The following TTYH2 variants were observed in gnomAD, a reference collection of about 807,000 sequenced individuals.
TTYH2 encodes the protein tweety family member 2.
A neutral mutation model predicts 68.3 loss-of-function variants in TTYH2; 49 were observed. The observed-to-expected ratio is 0.72, with a 90% CI of 0.57 to 0.91. TTYH2 has a LOEUF of 0.91. Ranked by LOEUF, TTYH2 falls within the 40% of genes least tolerant of loss-of-function variation. The pLI, the probability that TTYH2 is intolerant of heterozygous loss-of-function variation, is 0.00. For missense variants in TTYH2, 631 were observed against 700.4 expected (o/e 0.90, Z 1.12); for synonymous variants, 272 against 300.8 (o/e 0.90, Z 0.99).
Position 74,252,190 on chromosome 17 carries a change from GC to G in TTYH2, c.1117-39del, listed in dbSNP as rs747479163. ...GAGGAGAGCTCGGCCCGCAGGCTTTGCCCCCGCTCCTTCACTAGCTGCATGT... is the reference window on the plus strand; with the variant it reads ...GAGGAGAGCTCGGCCCGCAGGCTTTGCCCCGCTCCTTCACTAGCTGCATGT... On this transcript the variant is annotated intron_variant, in intron 10 of 13. Coordinates refer to ENST00000269346, the MANE Select transcript of TTYH2 (RefSeq NM_032646.6). 25 of 1,606,416 alleles carry G rather than the reference GC, an allele frequency of 1.6e-5. No individual in the cohort carries two copies. In the South Asian group the frequency reaches 2.4e-4, roughly 16 times the overall value.
intron 3 of TTYH2, among the ~76,000 whole-genome samples, chr17:74,234,367 C>G (rs2050421370): frequency 6.6e-6 from 1 of 152,216 alleles, no homozygotes; most frequent in African/African-American, 2.4e-5. Flanking sequence ...TGAGAGAGAG[C>G]CTGATTCCAT....
intron 13 of TTYH2, among the ~76,000 whole-genome samples, chr17:74,258,687 G>A (rs904614779): frequency 2.0e-5 from 3 of 152,064 alleles, no homozygotes; most frequent in African/African-American, 2.4e-5. Context: ...GATGGGCAGC[G>A]TCATTCTCGG....
intron 2 of TTYH2, among the ~76,000 whole-genome samples, chr17:74,228,722 G>C (rs547906719): frequency 1.8e-4 from 28 of 152,174 alleles, no homozygotes; most frequent in Non-Finnish European, 3.4e-4. Flanking sequence ...AACCAGGGCG[G>C]GTGCAAGTTC....
intron 5 of TTYH2, among the ~76,000 whole-genome samples, chr17:74,243,682 T>C (rs2050525317): frequency 6.6e-6 from 1 of 152,220 alleles, no homozygotes; most frequent in African/African-American, 2.4e-5. Flanking sequence ...TAGGCTTTCC[T>C]CCTTCTCTGG....
At chr17:74,249,705 C>G (rs1383688170) in intron 8 of TTYH2, among the ~76,000 whole-genome samples, 2 of 151,744 alleles carry the variant, frequency 1.3e-5, no homozygotes, top group African/African-American at 4.8e-5. Flanking sequence ...GTCCAAAGAC[C>G]ACATCTGAGC....
chr17:74,252,944 G>A (rs968780037), intron 11 of TTYH2, 137 bp from the exon 12 acceptor site: 63 of 840,342 alleles, frequency 7.5e-5, no homozygotes, highest in Middle Eastern at 2.5e-4. Context: ...GCTGGGGACC[G>A]CGTTTTAGAG....
chr17:74,236,368 G>A (rs879315731), intron 3 of TTYH2, among the ~76,000 whole-genome samples: 47 of 152,322 alleles, frequency 3.1e-4, no homozygotes, highest in African/African-American at 9.9e-4. Flanking sequence ...TCCTATTGTG[G>A]GGATACAAGG....
chr17:74,241,262 CGTGT>C lies in TTYH2; in HGVS notation c.636-2080_636-2077del, dbSNP rs199960092. On this transcript the variant is annotated intron_variant, in intron 4 of 13. Transcript: ENST00000269346. This position sits in a 1 kb window ranked among gnomAD's most constrained non-coding sequence, Gnocchi z 4.1. ...ATAGACAGACCCGGTATTTATAATA[CGTGT>C]GTGTGTGTGTGTGTGTGTGTGTGTG... 0.22 allele frequency among the ~76,000 whole-genome samples: 32,019 copies of C among 144,482 alleles called. 3,433 individuals carry two copies. Among genetic ancestry groups the C allele is most frequent in the South Asian group, 0.29 (1,280 of 4,426 alleles). The allele number at this position is 144,482 out of a possible 152,430, so 94.8% of individuals were successfully genotyped here. A position where few individuals can be genotyped will look rare whatever the true frequency, so the allele number is the denominator to read the frequency against.
rs569025880 is a variant in TTYH2, at chr17:74,219,613, T to C, written c.130-2872T>C. Among the ~76,000 whole-genome samples, 3 of 152,278 alleles carry C rather than the reference T, an allele frequency of 2.0e-5. No individual in the cohort carries two copies. In the South Asian group the frequency reaches 6.2e-4, roughly 32 times the overall value. ...AATGATTCGGTGATTCACATTTCTC[T>C]GGCTACTCATGAGTATCTCTGACTT... is the stretch of plus-strand genomic sequence containing the variant. On this transcript the variant is annotated intron_variant, in intron 1 of 13. Coordinates refer to ENST00000269346, the MANE Select transcript of TTYH2 (RefSeq NM_032646.6).
intron 1 of TTYH2, among the ~76,000 whole-genome samples, chr17:74,219,462 A>G (rs2050255080): frequency 1.3e-5 from 2 of 151,706 alleles, no homozygotes; most frequent in South Asian, 2.1e-4. Context: ...ATGAATTTAT[A>G]CCCTCGAGCA....
chr17:74,253,727 C>T (rs2050662284), intron 12 of TTYH2, 28 bp from the exon 13 acceptor site: 1 of 1,612,526 alleles, frequency 6.2e-7, no homozygotes, highest in East Asian at 2.2e-5. Context: ...ACACCATCCC[C>T]TCCTGAGCTC....
At chr17:74,246,656 A>G (rs1177263166) in intron 6 of TTYH2, among the ~76,000 whole-genome samples, 2 of 152,018 alleles carry the variant, frequency 1.3e-5, no homozygotes, top group Non-Finnish European at 2.9e-5. Flanking sequence ...TGCCATCCCT[A>G]TCACCATGGC....
intron 2 of TTYH2, among the ~76,000 whole-genome samples, chr17:74,230,226 G>C (rs914829421): frequency 4.6e-5 from 7 of 151,972 alleles, no homozygotes; most frequent in African/African-American, 1.7e-4. Context: ...TACCCTGTAT[G>C]ATATGGTAAT....
chr17:74,253,308 G>A, intron 12 of TTYH2, 42 bp downstream of exon 12: 1 of 1,527,042 alleles, frequency 6.5e-7, no homozygotes, highest in African/African-American at 1.4e-5. Flanking sequence ...GCACTGCCCG[G>A]ACAGCATGTT....
rs1345645696 is a variant in TTYH2 at position 74,228,294 on chromosome 17, A to G, written c.303-2594A>G. ...CCACTGCGCCTGGTAGGAGGTTTCT[A>G]TCACAGTCCTCCAGGGGGTTCCGTC... On this transcript the variant is annotated intron_variant, in intron 2 of 13. Transcript: ENST00000269346. Among the ~76,000 whole-genome samples, 3 of 152,146 alleles carry G rather than the reference A, an allele frequency of 2.0e-5. No individual in the cohort carries two copies. The East Asian group carries it at 5.8e-4, about 29-fold the overall frequency.
intron 3 of TTYH2, among the ~76,000 whole-genome samples, chr17:74,235,731 A>T (rs1438288311): frequency 6.6e-6 from 1 of 152,062 alleles, no homozygotes; most frequent in Non-Finnish European, 1.5e-5. Context: ...CTCCACTAAA[A>T]ATACAAAAAT....
Position 74,230,938 on chromosome 17 carries a change from C to T in TTYH2, c.353C>T (p.Ala118Val), listed in dbSNP as rs138129824. 230 of 1,614,066 alleles carry T rather than the reference C, an allele frequency of 1.4e-4. No homozygotes were observed. The highest frequency in any genetic ancestry group is 1.8e-4 in the Non-Finnish European group (216 of 1,180,036). ...GGAAACAGCGAGACCAACGATGGGG[C>T]GTACCAGCTGATGTACTCCTTGGAC... is the stretch of plus-strand genomic sequence containing the variant. ...FYGNSETNDG[A>V]YQLMYSLDDA... Residue 118 changes from alanine to valine, a missense_variant, in exon 3 of 14, where the codon GCG becomes GTG. Physicochemically the swap from Ala to Val is moderately conservative, Grantham distance 64. Transcript: ENST00000269346.
At position 74,237,285 on chromosome 17, in the gene TTYH2, C is replaced by T; in HGVS notation, c.415-9C>T. On this transcript the variant is annotated splice_polypyrimidine_tract_variant and intron_variant, in intron 3 of 13. Coordinates refer to ENST00000269346, the MANE Select transcript of TTYH2 (RefSeq NM_032646.6). ...ACCTCCATGGCTTTTGCCCCCTGCT[C>T]CTCCCTAGGTTTCCGGAACTACCCA... 1 of 1,613,532 alleles carries T rather than the reference C, an allele frequency of 6.2e-7. No homozygotes were observed. The highest frequency in any genetic ancestry group is 8.5e-7 in the Non-Finnish European group (1 of 1,179,626).
chr17:74,227,983 C>CTTTTTTTTTTTTTTTT lies in TTYH2; in HGVS notation c.303-2902_303-2887dup, dbSNP rs35080135. ...GAAGGAGGTTTCTTTTCTTTTCTTT[C>CTTTTTTTTTTTTTTTT]TTTTTTTTTTTTTTTTTTGAGATAG... On this transcript the variant is annotated intron_variant, in intron 2 of 13. Transcript: ENST00000269346. Among the ~76,000 whole-genome samples the CTTTTTTTTTTTTTTTT allele has an allele frequency of 1.8e-3, 200 of 112,490 alleles. 12 individuals carry two copies. Among genetic ancestry groups the CTTTTTTTTTTTTTTTT allele is most frequent in the African/African-American group, 5.6e-3 (121 of 21,538 alleles). The allele number at this position is 112,490 out of a possible 152,430, so 73.8% of individuals were successfully genotyped here.
Sources: allele counts gnomAD v4.1 joint callset (sites outside exome capture counted in the v4.1 genomes callset), GRCh38; gene constraint gnomAD v4.1.1; non-coding constraint Gnocchi (gnomAD v3.1); transcripts MANE v1.5; gene names NCBI Gene and HGNC (gene_info 2026-07-23, HGNC 2026-07-21).